The following GAPVD1 variants were observed in gnomAD, a reference collection of about 807,000 sequenced individuals.
GAPVD1 encodes the protein GTPase activating protein and VPS9 domains 1, also known as GTPase-activating protein and VPS9 domain-containing protein 1.
Under a neutral mutation model 155.5 loss-of-function variants are expected in GAPVD1, and 35 were observed. The observed-to-expected ratio is 0.23, with a 90% CI of 0.17 to 0.30. The LOEUF is 0.30. GAPVD1 is among the 10% of genes least tolerant of loss of function. The pLI is 1.00. For synonymous variants in GAPVD1, 636 were observed against 619.7 expected (o/e 1.03, Z -0.39); for missense variants, 1,429 against 1,775.7 (o/e 0.80, Z 3.51).
chr9:125,318,889 A>G (rs1009974477), intron 9 of GAPVD1, among the ~76,000 whole-genome samples: 2 of 152,070 alleles, frequency 1.3e-5, no homozygotes, highest in Non-Finnish European at 2.9e-5. Context: ...TCTTAATAAT[A>G]AATAGGCCAG....
chr9:125,278,450 G>C (rs1836178971), intron 2 of GAPVD1, among the ~76,000 whole-genome samples: 1 of 152,174 alleles, frequency 6.6e-6, no homozygotes, highest in South Asian at 2.1e-4. Flanking sequence ...GAACCTGGGA[G>C]GCGGAGGTTG....
At chr9:125,336,899 TCTC>T in intron 15 of GAPVD1, 116 bp from the exon 16 acceptor site, 1 of 614,576 alleles carries the variant, frequency 1.6e-6, no homozygotes, top group Non-Finnish European at 2.9e-6. Flanking sequence ...CTGGTATGCC[TCTC>T]AAGTTCTAAT....
At chr9:125,322,323 C>G (rs1490528835) in intron 10 of GAPVD1, among the ~76,000 whole-genome samples, 3 of 152,034 alleles carry the variant, frequency 2.0e-5, no homozygotes, top group Non-Finnish European at 4.4e-5. Context: ...CTCAGCCTCC[C>G]AAAGTGCTGG....
intron 2 of GAPVD1, among the ~76,000 whole-genome samples, chr9:125,283,554 G>T (rs1837150148): frequency 6.6e-6 from 1 of 151,878 alleles, no homozygotes; most frequent in African/African-American, 2.4e-5. Flanking sequence ...GTAGAGATGG[G>T]GTCTCCCTGT....
At chr9:125,289,572 C>A (rs778219222) in intron 2 of GAPVD1, among the ~76,000 whole-genome samples, 24 of 152,112 alleles carry the variant, frequency 1.6e-4, no homozygotes, top group Non-Finnish European at 2.9e-4. Flanking sequence ...ATGGAATTGC[C>A]ATTGATTGAG....
intron 17 of GAPVD1, among the ~76,000 whole-genome samples, chr9:125,340,097 C>T (rs554719224): frequency 1.3e-5 from 2 of 152,034 alleles, no homozygotes; most frequent in African/African-American, 2.4e-5. Flanking sequence ...CTCGGGTCAC[C>T]GCAACCTCCA....
intron 23 of GAPVD1, among the ~76,000 whole-genome samples, chr9:125,353,261 G>A (rs1358457872): frequency 2.0e-5 from 3 of 152,316 alleles, no homozygotes; most frequent in African/African-American, 7.2e-5. Flanking sequence ...TGCCACCAGT[G>A]TCTTTGCTAA....
intron 3 of GAPVD1, among the ~76,000 whole-genome samples, chr9:125,297,367 TA>T (rs1156735409): frequency 1.3e-5 from 2 of 152,190 alleles, no homozygotes; most frequent in Non-Finnish European, 2.9e-5. Context: ...TAATGCTAGA[TA>T]GGGGCAGTGC....
intron 15 of GAPVD1, among the ~76,000 whole-genome samples, chr9:125,336,479 CT>C (rs1287103033): frequency 6.6e-6 from 1 of 152,064 alleles, no homozygotes; most frequent in Non-Finnish European, 1.5e-5. Flanking sequence ...AGTATTGCCC[CT>C]ATGTTTATAA....
At chr9:125,321,781 T>TA (rs1196521525) in intron 10 of GAPVD1, among the ~76,000 whole-genome samples, 1 of 152,344 alleles carries the variant, frequency 6.6e-6, no homozygotes, top group Admixed American at 6.5e-5. Flanking sequence ...ATGGAGAAGA[T>TA]ATGTCTTTAT....
intron 1 of GAPVD1, among the ~76,000 whole-genome samples, chr9:125,266,838 G>A (rs991321635): frequency 1.3e-5 from 2 of 152,026 alleles, no homozygotes; most frequent in Non-Finnish European, 2.9e-5. Flanking sequence ...TCAAGTCACT[G>A]CAACTTCCCC....
At position 125,302,206 on chromosome 9, in the gene GAPVD1, T is replaced by C. The variant is rs774446820; in HGVS notation, c.409T>C (p.Tyr137His). The change falls in exon 5 of 28, where the codon TAT becomes CAT. Residue 137 changes from tyrosine (Y) to histidine (H), a missense_variant. Around this residue, in one of 4 missense-constraint regions of GAPVD1, gnomAD observed 628 missense variants for 733.4 expected, o/e 0.86. Transcript: ENST00000297933. ...TATTTACACAGTTTTTACCTCCCTG[T>C]ATGGCAATTGCATCATGCAAGAAGA... ...SVIYTVFTSL[Y>H]GNCIMQEDES... 2.5e-6 allele frequency: 4 copies of C among 1,613,668 alleles called. No homozygotes were observed. The South Asian group carries it at 3.3e-5, about 13-fold the overall frequency.
rs144430801 is a variant in GAPVD1 at position 125,354,777 on chromosome 9, T to C, written c.3693T>C (p.Phe1231=). The change falls in exon 24 of 28, where the codon TTT becomes TTC. Residue 1231 remains phenylalanine, a synonymous_variant. Transcript: ENST00000297933. ...ACAAAGAAGTGGCCAATCGATACTTTACCACTGTCTGTGTGAGATTACTGC... is the reference window on the plus strand; with the variant it reads ...ACAAAGAAGTGGCCAATCGATACTTCACCACTGTCTGTGTGAGATTACTGC... The part of the protein sequence containing the change: ...LRDKEVANRY[F]TTVCVRLLLE... The C allele has an allele frequency of 4.3e-6, 7 of 1,613,794 alleles. No individual in the cohort carries two copies. The highest frequency in any genetic ancestry group is 4.0e-5 in the African/African-American group (3 of 74,932).
At chr9:125,293,360 A>C (rs1838901552) in intron 2 of GAPVD1, among the ~76,000 whole-genome samples, 1 of 151,782 alleles carries the variant, frequency 6.6e-6, no homozygotes, top group Non-Finnish European at 1.5e-5. Context: ...AAGCTTTATG[A>C]GGACAGAGAT....
In GAPVD1 at chr9:125,293,869, TATA is replaced by T. The variant is rs1202698369; in HGVS notation, c.-149-1588_-149-1586del. 3.8e-3 allele frequency among the ~76,000 whole-genome samples: 80 copies of T among 21,190 alleles called. 3 individuals are homozygous for T. The highest frequency in any genetic ancestry group is 0.019 in the African/African-American group (79 of 4,170). 13.9% of individuals were successfully genotyped at this position (21,190 alleles called of 152,430 possible). The stretch of plus-strand genomic sequence containing the variant: ...AATATATTTTATATATATATATATA[TATA>T]TATATATATATATATATATATATAT... On this transcript the variant is annotated intron_variant, in intron 2 of 27. Transcript: ENST00000297933.
intron 17 of GAPVD1, 127 bp from the exon 18 acceptor site, chr9:125,341,050 A>AC: frequency 4.4e-6 from 3 of 675,076 alleles, no homozygotes; most frequent in Non-Finnish European, 5.4e-6. Context: ...GTGCTACTGC[A>AC]CTCCAGCCTG....
Position 125,312,435 on chromosome 9 carries a change from T to C in GAPVD1, c.1442-17T>C. The C allele has an allele frequency of 6.6e-7, 1 of 1,515,302 alleles. No individual in the cohort carries two copies. Among genetic ancestry groups the C allele is most frequent in the Non-Finnish European group, 8.9e-7 (1 of 1,122,632 alleles). The allele number at this position is 1,515,302 out of a possible 1,614,324, so 93.9% of individuals were successfully genotyped here. On this transcript the variant is annotated splice_polypyrimidine_tract_variant and intron_variant, in intron 8 of 27. Transcript: ENST00000297933. ...TGTCTATTTCTCTAAATTATTTTAT[T>C]TGAAATTTTTTATTAGCAACTCGGA... is the stretch of plus-strand genomic sequence containing the variant.
intron 2 of GAPVD1, among the ~76,000 whole-genome samples, chr9:125,269,379 A>G (rs942731141): frequency 6.6e-6 from 1 of 152,122 alleles, no homozygotes; most frequent in African/African-American, 2.4e-5. Context: ...GTTAAGCAAG[A>G]AGGATTTCAG....
rs1050337299 is a variant in GAPVD1, at chr9:125,349,614, T to C, written c.3299+95T>C. 6 of 1,052,710 alleles carry C rather than the reference T, an allele frequency of 5.7e-6. No individual in the cohort carries two copies. The African/African-American group carries it at 7.9e-5, about 14-fold the overall frequency. 65.2% of individuals were successfully genotyped at this position (1,052,710 alleles called of 1,614,324 possible). A position where few individuals can be genotyped will look rare whatever the true frequency, so the allele number is the denominator to read the frequency against. On this transcript the variant is annotated intron_variant, in intron 21 of 27. Coordinates refer to ENST00000297933, the MANE Select transcript of GAPVD1 (RefSeq NM_001282680.3). ...AAGTGATGTTTTGAGTCAATAAATGTATAAAGCAGGGAGAGAAAAATGAAA... is the reference window on the plus strand; with the variant it reads ...AAGTGATGTTTTGAGTCAATAAATGCATAAAGCAGGGAGAGAAAAATGAAA...
Sources: gnomAD v4.1 joint callset for allele counts (sites outside exome capture counted in the v4.1 genomes callset) on GRCh38, gnomAD v4.1.1 for gene constraint, gnomAD v4.1.1 regional missense constraint, MANE v1.5 for transcripts, NCBI Gene and HGNC (gene_info 2026-07-23, HGNC 2026-07-21) for gene names.